The following ANKFN1 variants were observed in gnomAD, a reference collection of about 807,000 sequenced individuals.
ANKFN1 encodes ankyrin repeat and fibronectin type III domain containing 1.
Under a neutral mutation model 108.7 loss-of-function variants are expected in ANKFN1, and 74 were observed. The ratio of observed to expected loss-of-function variants is 0.68; its 90% CI spans 0.56 to 0.83. ANKFN1 has a LOEUF of 0.83. ANKFN1 is among the 40% of genes least tolerant of loss of function. The pLI, the probability that ANKFN1 is intolerant of heterozygous loss-of-function variation, is 0.00. For missense variants in ANKFN1, 1,505 were observed against 1,382.3 expected (o/e 1.09, Z -1.41); for synonymous variants, 547 against 516.2 (o/e 1.06, Z -0.81).
intron 4 of ANKFN1, among the ~76,000 whole-genome samples, chr17:56,327,494 C>A (rs920834192): frequency 6.6e-6 from 1 of 152,074 alleles, no homozygotes; most frequent in South Asian, 2.1e-4. Context: ...AAATAAAAAC[C>A]AAAGTTAGGA....
chr17:56,192,915 T>G (rs1368293824), intron 1 of ANKFN1, among the ~76,000 whole-genome samples: 31 of 133,554 alleles, frequency 2.3e-4, no homozygotes, highest in African/African-American at 3.3e-4. Context: ...TATACCCAAA[T>G]GACTATAAAT....
intron 8 of ANKFN1, among the ~76,000 whole-genome samples, chr17:56,387,604 T>C (rs1208244747): frequency 1.3e-5 from 2 of 152,240 alleles, no homozygotes; most frequent in Admixed American, 6.5e-5. Flanking sequence ...CCATATGTGA[T>C]ATTTGAAAAG....
chr17:56,066,610 G>A (rs543621639), intron 4 of ANKFN1, among the ~76,000 whole-genome samples: 48 of 151,880 alleles, frequency 3.2e-4, no homozygotes, highest in African/African-American at 9.4e-4. Context: ...ATAACATGAC[G>A]TGTATCATCT....
intron 8 of ANKFN1, among the ~76,000 whole-genome samples, chr17:56,409,887 T>TG (rs66641834): frequency 0.76 from 114,863 of 151,792 alleles, 43,683 homozygotes; most frequent in East Asian, 0.96. Flanking sequence ...TTAACCCCTC[T>TG]GCCTCAATTT....
intron 1 of ANKFN1, among the ~76,000 whole-genome samples, chr17:56,199,187 C>T (rs1032675287): frequency 8.0e-5 from 12 of 150,750 alleles, no homozygotes; most frequent in African/African-American, 2.7e-4. Context: ...TTGTAGTTTA[C>T]CTATAGTTGC....
rs116429626 is a variant in ANKFN1 at position 56,343,475 on chromosome 17, G to A, written c.189-7291G>A. Among the ~76,000 whole-genome samples the A allele has an allele frequency of 9.9e-3, 1,505 of 151,816 alleles. 20 individuals carry two copies. The highest frequency in any genetic ancestry group is 0.034 in the African/African-American group (1,394 of 41,448). ...AAAATTAGCTGTTAATCTTTTTGAG[G>A]ATCCTTGTAATGTGATGAGTCTTTT... is the stretch of plus-strand genomic sequence containing the variant. On this transcript the variant is annotated intron_variant, in intron 4 of 20. Transcript: ENST00000682825.
chr17:56,269,983 T>C (rs541765601), intron 3 of ANKFN1, among the ~76,000 whole-genome samples: 19 of 152,234 alleles, frequency 1.2e-4, no homozygotes, highest in Non-Finnish European at 2.4e-4. Context: ...CTCATCAAGC[T>C]CTGTTTAAGA....
At chr17:56,189,653 G>T (rs1317343063) in intron 1 of ANKFN1, among the ~76,000 whole-genome samples, 1 of 152,114 alleles carries the variant, frequency 6.6e-6, no homozygotes, top group Admixed American at 6.5e-5. Flanking sequence ...GCCAGCTTAT[G>T]ATTGATAAAC....
intron 4 of ANKFN1, among the ~76,000 whole-genome samples, chr17:56,091,459 C>CACACAG (rs1905418034): frequency 6.8e-6 from 1 of 147,902 alleles, no homozygotes; most frequent in African/African-American, 2.5e-5. Context: ...CACACACACA[C>CACACAG]ACAGAGTTCA....
intron 4 of ANKFN1, among the ~76,000 whole-genome samples, chr17:56,338,170 G>T (rs2045866701): frequency 6.6e-6 from 1 of 152,106 alleles, no homozygotes; most frequent in Non-Finnish European, 1.5e-5. Flanking sequence ...GATGAAGCTG[G>T]AAACCATCAT....
At chr17:56,494,064 TTCAC>T (rs1305967566) in intron 19 of ANKFN1, among the ~76,000 whole-genome samples, 1 of 152,188 alleles carries the variant, frequency 6.6e-6, no homozygotes, top group Non-Finnish European at 1.5e-5. Context: ...TATTCATTCA[TTCAC>T]AAGAAGGAGA....
intron 1 of ANKFN1, among the ~76,000 whole-genome samples, chr17:56,163,970 A>G (rs1909918222): frequency 6.6e-6 from 1 of 152,184 alleles, no homozygotes; most frequent in African/African-American, 2.4e-5. Flanking sequence ...GTGTTTGTAC[A>G]CATCATCATG....
intron 4 of ANKFN1, among the ~76,000 whole-genome samples, chr17:56,057,998 G>A (rs1183329082): frequency 1.3e-5 from 2 of 152,116 alleles, no homozygotes; most frequent in Non-Finnish European, 1.5e-5. Flanking sequence ...TTTCAACAAT[G>A]GATTTAAAAT....
chr17:56,077,354 C>A (rs900247361), intron 4 of ANKFN1, among the ~76,000 whole-genome samples: 1 of 152,150 alleles, frequency 6.6e-6, no homozygotes, highest in Non-Finnish European at 1.5e-5. Flanking sequence ...GGCTAGGATG[C>A]CCTTCATGGA....
chr17:56,180,235 G>A (rs983331820), intron 1 of ANKFN1, among the ~76,000 whole-genome samples: 1 of 152,126 alleles, frequency 6.6e-6, no homozygotes, highest in African/African-American at 2.4e-5. Flanking sequence ...GTCATATTCT[G>A]TCTCTGAGCT....
chr17:56,221,236 C>A (rs1456686586), intron 2 of ANKFN1, among the ~76,000 whole-genome samples: 1 of 152,144 alleles, frequency 6.6e-6, no homozygotes, highest in East Asian at 1.9e-4. Context: ...GGGAAATCCA[C>A]TTCCATGATC....
intron 8 of ANKFN1, among the ~76,000 whole-genome samples, chr17:56,385,640 C>G (rs2047240933): frequency 6.6e-6 from 1 of 152,004 alleles, no homozygotes; most frequent in South Asian, 2.1e-4. Context: ...AACGAACAAC[C>G]CCATCAAAAA....
At chr17:56,174,210 G>A (rs957492472) in intron 1 of ANKFN1, 13 of 985,492 alleles carry the variant, frequency 1.3e-5, no homozygotes, top group Non-Finnish European at 1.6e-5. Flanking sequence ...GATGCCTGCA[G>A]GGTTCTCTCT....
At chr17:56,442,626 A>G (rs1330463278) in intron 9 of ANKFN1, among the ~76,000 whole-genome samples, 2 of 152,192 alleles carry the variant, frequency 1.3e-5, no homozygotes, top group African/African-American at 4.8e-5. Flanking sequence ...GGAACTTCAA[A>G]TATGGTTGCT....
Sources: gnomAD v4.1 joint callset for allele counts (sites outside exome capture counted in the v4.1 genomes callset) on GRCh38, gnomAD v4.1.1 for gene constraint, MANE v1.5 for transcripts, NCBI Gene and HGNC (gene_info 2026-07-23, HGNC 2026-07-21) for gene names.